Variants in FBXL20 observed in about 807,000 individuals in gnomAD.
FBXL20 encodes F-box/LRR-repeat protein 20.
A neutral mutation model predicts 64.0 loss-of-function variants in FBXL20; 11 were observed. That is an observed-to-expected ratio of 0.17 (90% CI 0.11 to 0.28). The LOEUF (loss-of-function observed/expected upper bound fraction) is 0.28. FBXL20 is among the 10% of genes least tolerant of loss of function. The pLI is 1.00. For missense variants in FBXL20, 303 were observed against 526.2 expected (o/e 0.58, Z 4.15); for synonymous variants, 184 against 189.0 (o/e 0.97, Z 0.22).
At chr17:39,292,537 G>A (rs2047048869) in intron 6 of FBXL20, among the ~76,000 whole-genome samples, 2 of 151,998 alleles carry the variant, frequency 1.3e-5, no homozygotes, top group South Asian at 4.2e-4. Context: ...GGGATTACAG[G>A]AGCATACCAC....
chr17:39,274,093 T>G (rs2046870311), intron 10 of FBXL20, among the ~76,000 whole-genome samples: 1 of 152,136 alleles, frequency 6.6e-6, no homozygotes, highest in South Asian at 2.1e-4. Context: ...CATGCTGGTC[T>G]CAAACTCCTG....
chr17:39,337,326 C>T (rs954240281), intron 2 of FBXL20, among the ~76,000 whole-genome samples: 9 of 151,954 alleles, frequency 5.9e-5, no homozygotes, highest in Non-Finnish European at 8.8e-5. Flanking sequence ...GGTGTGATCT[C>T]GGCTCGCTAC....
intron 2 of FBXL20, among the ~76,000 whole-genome samples, chr17:39,338,261 CAT>C (rs1367364041): frequency 6.6e-6 from 1 of 152,214 alleles, no homozygotes; most frequent in Admixed American, 6.5e-5. Flanking sequence ...CTCTCTGAAA[CAT>C]GTGCTGTGTC....
intron 1 of FBXL20, among the ~76,000 whole-genome samples, chr17:39,371,940 G>C (rs1011594506): frequency 6.6e-6 from 1 of 152,138 alleles, no homozygotes; most frequent in Non-Finnish European, 1.5e-5. Context: ...AAGTGACCCT[G>C]TTGTCAGCCT....
intron 1 of FBXL20, among the ~76,000 whole-genome samples, chr17:39,379,961 C>CA (rs1418561706): frequency 6.6e-6 from 1 of 151,954 alleles, no homozygotes; most frequent in African/African-American, 2.4e-5. Context: ...CCTGAGTTGA[C>CA]AGAGTGAGAC....
intron 2 of FBXL20, among the ~76,000 whole-genome samples, chr17:39,341,784 C>T (rs1292420338): frequency 2.0e-5 from 3 of 152,166 alleles, no homozygotes; most frequent in Non-Finnish European, 4.4e-5. Flanking sequence ...CTGAGATTTA[C>T]GACTTGTTTG....
At chr17:39,385,662 C>G (rs1690089625) in intron 1 of FBXL20, among the ~76,000 whole-genome samples, 1 of 152,144 alleles carries the variant, frequency 6.6e-6, no homozygotes, top group South Asian at 2.1e-4. Context: ...TAACAATTCA[C>G]AGAGACTGAG....
At chr17:39,266,889 T>C (rs2046796670) in intron 12 of FBXL20, among the ~76,000 whole-genome samples, 1 of 152,192 alleles carries the variant, frequency 6.6e-6, no homozygotes, top group Non-Finnish European at 1.5e-5. Flanking sequence ...TGTAGTGGCT[T>C]GCGCCTATAG....
rs199509732 is a variant in FBXL20 at position 39,317,430 on chromosome 17, CCAT to C, written c.105-13794_105-13792del. On this transcript the variant is annotated intron_variant, in intron 2 of 14. Coordinates refer to ENST00000264658, the MANE Select transcript of FBXL20 (RefSeq NM_032875.3). The stretch of plus-strand genomic sequence containing the variant: ...TATTTTTAGTAGAGATGGGGTTTCA[CCAT>C]GTTGGCCAGGCTGGTCTTGAACTTC... 3.0e-3 allele frequency among the ~76,000 whole-genome samples: 458 copies of C among 152,148 alleles called. 26 individuals carry two copies. The East Asian group carries it at 0.085, about 28-fold the overall frequency.
chr17:39,285,889 G>C (rs528381533), intron 6 of FBXL20, among the ~76,000 whole-genome samples: 1 of 152,292 alleles, frequency 6.6e-6, no homozygotes, highest in African/African-American at 2.4e-5. Context: ...TATGCATTTT[G>C]CAAATCCAGA....
chr17:39,383,223 A>G (rs2048044126), intron 1 of FBXL20, among the ~76,000 whole-genome samples: 1 of 152,038 alleles, frequency 6.6e-6, no homozygotes. Context: ...TGTAACAATT[A>G]AAAGAAATAT....
intron 2 of FBXL20, among the ~76,000 whole-genome samples, chr17:39,338,034 C>T (rs974300141): frequency 2.0e-5 from 3 of 152,134 alleles, no homozygotes; most frequent in African/African-American, 7.2e-5. Context: ...CGTCTGGGAG[C>T]TGTACCCAAC....
At chr17:39,331,204 G>A (rs1395960732) in intron 2 of FBXL20, among the ~76,000 whole-genome samples, 4 of 152,166 alleles carry the variant, frequency 2.6e-5, no homozygotes, top group South Asian at 2.1e-4. Flanking sequence ...GGGTTCAAGC[G>A]ATTCTTCTGC....
rs2046678378 is a variant in FBXL20 at position 39,254,596 on chromosome 17, G to A, written c.*6864C>T. ...AAAACCTATCTGTTTGACTGGTTAA[G>A]TGTGTAGAAAGTAGGAGCCCTCTTT... On this transcript the variant is annotated 3_prime_UTR_variant, in exon 15 of 15. Coordinates refer to ENST00000264658, the MANE Select transcript of FBXL20 (RefSeq NM_032875.3). 6.5e-6 allele frequency: 1 copy of A among 154,464 alleles called. No homozygotes were observed. The highest frequency in any genetic ancestry group is 2.0e-4 in the South Asian group (1 of 4,912). The allele number at this position is 154,464 out of a possible 1,614,324, so 9.6% of individuals were successfully genotyped here.
intron 1 of FBXL20, among the ~76,000 whole-genome samples, chr17:39,377,564 G>A (rs1366507786): frequency 6.6e-6 from 1 of 150,938 alleles, no homozygotes; most frequent in Admixed American, 6.6e-5. Flanking sequence ...GCAGTGGCGC[G>A]ATCTAGGCTC....
intron 1 of FBXL20, among the ~76,000 whole-genome samples, chr17:39,347,185 T>C (rs2047641897): frequency 6.6e-6 from 1 of 152,244 alleles, no homozygotes; most frequent in Non-Finnish European, 1.5e-5. Flanking sequence ...GCATGATTTA[T>C]AATCCTTTGG....
intron 1 of FBXL20, 85 bp downstream of exon 1, chr17:39,401,273 GGGA>G: frequency 6.2e-7 from 1 of 1,602,992 alleles, no homozygotes; most frequent in East Asian, 2.3e-5. Flanking sequence ...GCGCCTGCCA[GGGA>G]GGAGGCTCCG....
chr17:39,333,404 C>T (rs1226408076), intron 2 of FBXL20, among the ~76,000 whole-genome samples: 1 of 152,226 alleles, frequency 6.6e-6, no homozygotes, highest in Non-Finnish European at 1.5e-5. Flanking sequence ...GCCTCGGCCT[C>T]CCGAGGTGCC....
intron 1 of FBXL20, among the ~76,000 whole-genome samples, chr17:39,353,091 GA>G (rs1289894356): frequency 2.6e-5 from 4 of 152,122 alleles, no homozygotes; most frequent in African/African-American, 9.7e-5. Flanking sequence ...AAGACAAGCA[GA>G]AAACTAGAAA....
Sources: allele counts gnomAD v4.1 joint callset (sites outside exome capture counted in the v4.1 genomes callset), GRCh38; gene constraint gnomAD v4.1.1; transcripts MANE v1.5; gene names NCBI Gene and HGNC (gene_info 2026-07-23, HGNC 2026-07-21).